The following ROBO2 variants were observed in gnomAD, a reference collection of about 807,000 sequenced individuals.
ROBO2 encodes the protein roundabout homolog 2.
Under a neutral mutation model 160.8 loss-of-function variants are expected in ROBO2, and 53 were observed. The ratio of observed to expected loss-of-function variants is 0.33; its 90% CI spans 0.26 to 0.41. The LOEUF is 0.41. ROBO2 is among the 10% of genes least tolerant of loss of function. The pLI, the probability that ROBO2 is intolerant of heterozygous loss-of-function variation, is 1.00. For synonymous variants in ROBO2, 664 were observed against 611.7 expected (o/e 1.09, Z -1.26); for missense variants, 1,577 against 1,722.4 (o/e 0.92, Z 1.49).
chr3:76,988,436 T>G (rs1182045543), intron 2 of ROBO2, among the ~76,000 whole-genome samples: 1 of 152,148 alleles, frequency 6.6e-6, no homozygotes, highest in Non-Finnish European at 1.5e-5. Flanking sequence ...ATATAACTTG[T>G]ATTGTGGGAG....
In ROBO2 at chr3:76,993,595, T is replaced by G. The variant is rs79226679; in HGVS notation, c.110-104419T>G. Among the ~76,000 whole-genome samples, 37 of 152,266 alleles carry G rather than the reference T, an allele frequency of 2.4e-4. No homozygotes were observed. The East Asian group carries it at 6.4e-3, about 26-fold the overall frequency. On this transcript the variant is annotated intron_variant, in intron 2 of 26. Transcript: ENST00000487694. ...TTGTTAAAAGGCTTTCAGTCACTCA[T>G]AGGTAAGTGTGAATTGTTTAGTTAG...
chr3:76,778,166 T>C (rs765718508), intron 2 of ROBO2, among the ~76,000 whole-genome samples: 3 of 151,210 alleles, frequency 2.0e-5, no homozygotes, highest in South Asian at 2.1e-4. Context: ...TGTTCTGTTG[T>C]AGAGACATTG....
chr3:77,186,967 G>T (rs1489846820), intron 2 of ROBO2, among the ~76,000 whole-genome samples: 1 of 151,976 alleles, frequency 6.6e-6, no homozygotes, highest in Non-Finnish European at 1.5e-5. Context: ...TATTCAAGAG[G>T]CAGGAAGTGA....
chr3:76,444,122 C>T (rs898335823), intron 2 of ROBO2, among the ~76,000 whole-genome samples: 8 of 151,900 alleles, frequency 5.3e-5, no homozygotes, highest in South Asian at 2.1e-4. Context: ...TGCGCCACCA[C>T]GCCCGGCTAA....
At chr3:77,337,893 G>C (rs976591765) in intron 2 of ROBO2, among the ~76,000 whole-genome samples, 3 of 152,120 alleles carry the variant, frequency 2.0e-5, no homozygotes, top group Admixed American at 1.3e-4. Context: ...TTCCTTGGCA[G>C]AAAACATTCC....
chr3:77,114,770 G>A (rs570828540), intron 2 of ROBO2, among the ~76,000 whole-genome samples: 9 of 151,902 alleles, frequency 5.9e-5, no homozygotes, highest in Non-Finnish European at 1.3e-4. Context: ...TTTTAAAAAA[G>A]CAAAGAAGTA....
intron 2 of ROBO2, among the ~76,000 whole-genome samples, chr3:77,101,178 A>AGATTGTT (rs1344092073): frequency 2.0e-5 from 3 of 152,266 alleles, no homozygotes; most frequent in Non-Finnish European, 2.9e-5. Flanking sequence ...AGTTGATGCT[A>AGATTGTT]GATTCTGAAC....
chr3:76,509,937 A>C, intron 2 of ROBO2, among the ~76,000 whole-genome samples: 1 of 151,948 alleles, frequency 6.6e-6, no homozygotes, highest in South Asian at 2.1e-4. Flanking sequence ...ACAGGCTCAC[A>C]CACACACACA....
intron 2 of ROBO2, among the ~76,000 whole-genome samples, chr3:76,684,036 A>T (rs1308554297): frequency 6.6e-6 from 1 of 152,080 alleles, no homozygotes; most frequent in African/African-American, 2.4e-5. Context: ...TGTAACTGCG[A>T]TGCCAACTGG....
At chr3:76,727,370 TC>T (rs2093568593) in intron 2 of ROBO2, among the ~76,000 whole-genome samples, 4 of 152,166 alleles carry the variant, frequency 2.6e-5, no homozygotes, top group Admixed American at 2.0e-4. Context: ...AAGCCCTGAT[TC>T]CTGATTTGTA....
intron 2 of ROBO2, among the ~76,000 whole-genome samples, chr3:76,174,205 G>T (rs144019324): frequency 1.5e-3 from 235 of 152,136 alleles, no homozygotes; most frequent in African/African-American, 4.1e-3. Context: ...CTTTTTGATG[G>T]GGTTGTTTGC....
intron 2 of ROBO2, among the ~76,000 whole-genome samples, chr3:76,995,108 A>AT (rs2060916661): frequency 8.2e-6 from 1 of 121,758 alleles, no homozygotes; most frequent in Non-Finnish European, 1.7e-5. Context: ...AAGACCCCCC[A>AT]CCCCCAACAG....
chr3:76,165,931 T>C (rs1177651645), intron 2 of ROBO2, among the ~76,000 whole-genome samples: 2 of 152,238 alleles, frequency 1.3e-5, no homozygotes, highest in South Asian at 2.1e-4. Flanking sequence ...AATTCATTCA[T>C]CAAGTTTGCT....
chr3:76,091,827 G>A (rs1051795122), intron 2 of ROBO2, among the ~76,000 whole-genome samples: 1 of 152,050 alleles, frequency 6.6e-6, no homozygotes, highest in African/African-American at 2.4e-5. Context: ...AATATGAAAA[G>A]GCTGCATACT....
intron 21 of ROBO2, among the ~76,000 whole-genome samples, chr3:77,611,444 A>G (rs879575466): frequency 3.3e-5 from 5 of 152,164 alleles, no homozygotes. Flanking sequence ...AGGCAGGTAG[A>G]TAAAGCATGG....
intron 2 of ROBO2, among the ~76,000 whole-genome samples, chr3:76,042,432 T>C (rs2067301843): frequency 6.6e-6 from 1 of 152,012 alleles, no homozygotes; most frequent in Admixed American, 6.5e-5. Context: ...TATGTGACAC[T>C]TAGGAGGCAT....
intron 2 of ROBO2, among the ~76,000 whole-genome samples, chr3:76,364,050 G>A (rs1299640683): frequency 6.6e-6 from 1 of 151,962 alleles, no homozygotes; most frequent in Admixed American, 6.6e-5. Context: ...TTTCATCCCT[G>A]CTTACATTTA....
At chr3:77,636,027 C>T (rs777566245) in intron 24 of ROBO2, among the ~76,000 whole-genome samples, 10 of 152,106 alleles carry the variant, frequency 6.6e-5, no homozygotes, top group Admixed American at 1.3e-4. Flanking sequence ...AAGGTTCTCT[C>T]TGGGGTGTGT....
intron 2 of ROBO2, among the ~76,000 whole-genome samples, chr3:76,272,430 C>T (rs374305011): frequency 2.6e-5 from 4 of 151,562 alleles, no homozygotes; most frequent in East Asian, 3.9e-4. Flanking sequence ...TTTGGGAGGC[C>T]GAGGTGGGTG....
Sources: allele counts gnomAD v4.1 joint callset (sites outside exome capture counted in the v4.1 genomes callset), GRCh38; gene constraint gnomAD v4.1.1; transcripts MANE v1.5; gene names NCBI Gene and HGNC (gene_info 2026-07-23, HGNC 2026-07-21).